Variants in CSMD3 observed in about 807,000 individuals in gnomAD.
CSMD3 encodes the protein CUB and sushi domain-containing protein 3.
A neutral mutation model predicts 435.2 loss-of-function variants in CSMD3; 177 were observed. That is an observed-to-expected ratio of 0.41 (90% CI 0.36 to 0.46). The LOEUF is 0.46. CSMD3 is among the 20% of genes least tolerant of loss of function. The pLI, the probability that CSMD3 is intolerant of heterozygous loss-of-function variation, is 0.34. For synonymous variants in CSMD3, 1,656 were observed against 1,520.5 expected, an observed-to-expected ratio of 1.09 and a Z score of -2.07; for missense variants, 4,265 against 4,504.6, an observed-to-expected ratio of 0.95 and a Z score of 1.52.
intron 32 of CSMD3, among the ~76,000 whole-genome samples, chr8:112,432,378 A>G (rs1813814373): frequency 6.6e-6 from 1 of 151,932 alleles, no homozygotes; most frequent in South Asian, 2.1e-4. Flanking sequence ...ATCATATCTC[A>G]CTGCAGCTTT....
chr8:112,992,763 A>G (rs2085502732), intron 6 of CSMD3, among the ~76,000 whole-genome samples: 2 of 151,692 alleles, frequency 1.3e-5, no homozygotes, highest in African/African-American at 4.8e-5. Context: ...AAATCACTTC[A>G]CTGTCAATGG....
chr8:113,377,730 G>A (rs1226092188), intron 1 of CSMD3, among the ~76,000 whole-genome samples: 2 of 152,126 alleles, frequency 1.3e-5, no homozygotes, highest in Non-Finnish European at 2.9e-5. Context: ...CTGGCTTTGA[G>A]ATCTGTATTG....
chr8:112,418,434 C>A (rs1812141920), intron 32 of CSMD3, among the ~76,000 whole-genome samples: 1 of 152,078 alleles, frequency 6.6e-6, no homozygotes, highest in Non-Finnish European at 1.5e-5. Context: ...CTGTGCAGAA[C>A]TGTTTGCCCT....
intron 13 of CSMD3, among the ~76,000 whole-genome samples, chr8:112,787,020 A>G (rs894097320): frequency 6.6e-6 from 1 of 151,426 alleles, no homozygotes; most frequent in East Asian, 1.9e-4. Flanking sequence ...GGCTGAGAAT[A>G]ATGGTTTCCA....
intron 9 of CSMD3, among the ~76,000 whole-genome samples, chr8:112,937,211 T>C (rs562386224): frequency 6.6e-6 from 1 of 152,312 alleles, no homozygotes; most frequent in Admixed American, 6.5e-5. Flanking sequence ...CTTTCTTCTA[T>C]ATATTTATAC....
At chr8:113,431,279 G>C (rs921950208) in intron 1 of CSMD3, among the ~76,000 whole-genome samples, 3 of 152,166 alleles carry the variant, frequency 2.0e-5, no homozygotes, top group African/African-American at 7.2e-5. Context: ...TCCTTTGGAT[G>C]ATGAGTAAAG....
intron 39 of CSMD3, 23 bp downstream of exon 39, chr8:112,352,393 C>A (rs759939658): frequency 1.2e-6 from 2 of 1,612,528 alleles, no homozygotes; most frequent in Non-Finnish European, 1.7e-6. Context: ...AAAATCAAAA[C>A]CACAACTTTA....
chr8:112,820,036 A>C (rs575168442), intron 12 of CSMD3, among the ~76,000 whole-genome samples: 1 of 152,164 alleles, frequency 6.6e-6, no homozygotes, highest in African/African-American at 2.4e-5. Context: ...GTCTTATTTC[A>C]TTTACTTAAT....
At chr8:112,768,934 T>C (rs1304073673) in intron 13 of CSMD3, among the ~76,000 whole-genome samples, 1 of 151,928 alleles carries the variant, frequency 6.6e-6, no homozygotes, top group Non-Finnish European at 1.5e-5. Flanking sequence ...CAATAGATCA[T>C]CTGTGGCAAC....
intron 16 of CSMD3, 90 bp downstream of exon 16, chr8:112,682,352 G>C: frequency 1.1e-6 from 1 of 914,946 alleles, no homozygotes; most frequent in Non-Finnish European, 1.8e-6. Context: ...TAATGATTAT[G>C]ACAGTCCTGG....
intron 10 of CSMD3, among the ~76,000 whole-genome samples, chr8:112,861,355 G>A (rs1237678339): frequency 2.0e-5 from 3 of 151,864 alleles, no homozygotes; most frequent in Admixed American, 1.3e-4. Context: ...CTAATAGGGA[G>A]TATAAAATTA....
At chr8:113,003,310 A>C (rs1252610036) in intron 6 of CSMD3, among the ~76,000 whole-genome samples, 2 of 152,006 alleles carry the variant, frequency 1.3e-5, no homozygotes, top group Non-Finnish European at 2.9e-5. Flanking sequence ...AATTTTTCTT[A>C]TTTGTTGTTT....
chr8:112,747,233 T>C, intron 13 of CSMD3, among the ~76,000 whole-genome samples: 1 of 140,562 alleles, frequency 7.1e-6, no homozygotes, highest in East Asian at 2.2e-4. Flanking sequence ...TGTTGCTTCA[T>C]TGTTTTTTCC....
In CSMD3 at chr8:112,493,139, A is replaced by G. The variant is rs1820873128; in HGVS notation, c.5084-456T>C. On this transcript the variant is annotated intron_variant, in intron 30 of 70. Transcript: ENST00000297405. ...TCAAAGTACAAAGGAGCCCTTGTGC[A>G]TATCTGACAAATTGCTAATGCATAT... Among the ~76,000 whole-genome samples, 3 of 152,180 alleles carry G rather than the reference A, an allele frequency of 2.0e-5. No individual in the cohort carries two copies. In the South Asian group the frequency reaches 6.2e-4, roughly 31 times the overall value.
chr8:112,329,990 C>A lies in CSMD3; in HGVS notation c.7165+5339G>T, dbSNP rs774023976. The stretch of plus-strand genomic sequence containing the variant: ...CACGATGTCCATACCCCCGTTCTCT[C>A]TGGACATCAAATAATAAAACACTTT... On this transcript the variant is annotated intron_variant, in intron 45 of 70. Transcript: ENST00000297405. Among the ~76,000 whole-genome samples the A allele has an allele frequency of 2.0e-5, 3 of 152,014 alleles. No individual in the cohort carries two copies. The East Asian group carries it at 5.8e-4, about 29-fold the overall frequency.
intron 5 of CSMD3, among the ~76,000 whole-genome samples, chr8:113,088,765 A>G (rs1478067454): frequency 6.7e-6 from 1 of 150,258 alleles, no homozygotes; most frequent in African/African-American, 2.5e-5. Flanking sequence ...ATGCTAAATG[A>G]CTAGTTAATG....
intron 14 of CSMD3, among the ~76,000 whole-genome samples, chr8:112,685,947 G>A (rs1381868999): frequency 1.3e-5 from 2 of 148,986 alleles, no homozygotes; most frequent in African/African-American, 5.1e-5. Context: ...CTTAAATAAT[G>A]CACAAAAATA....
chr8:112,404,948 G>A (rs529283863), intron 35 of CSMD3, among the ~76,000 whole-genome samples: 1 of 151,016 alleles, frequency 6.6e-6, no homozygotes, highest in African/African-American at 2.4e-5. Context: ...GAGGCCGAGG[G>A]GGGTGGATTA....
At chr8:112,632,469 C>A (rs1402004250) in intron 22 of CSMD3, among the ~76,000 whole-genome samples, 2 of 152,036 alleles carry the variant, frequency 1.3e-5, no homozygotes, top group African/African-American at 4.8e-5. Context: ...GAATTAATGT[C>A]TTTGAAATCA....
Sources: gnomAD v4.1 joint callset for allele counts (sites outside exome capture counted in the v4.1 genomes callset) on GRCh38, gnomAD v4.1.1 for gene constraint, MANE v1.5 for transcripts, NCBI Gene and HGNC (gene_info 2026-07-23, HGNC 2026-07-21) for gene names.